Variants in CTNND2 observed in about 807,000 individuals in gnomAD.
CTNND2 encodes catenin delta 2.
A neutral mutation model predicts 144.4 loss-of-function variants in CTNND2; 22 were observed. That is an observed-to-expected ratio of 0.15 (90% CI 0.11 to 0.22). The LOEUF (loss-of-function observed/expected upper bound fraction) is 0.22, where lower values mean the gene tolerates loss of function less well. Ranked by LOEUF, CTNND2 falls within the 10% of genes least tolerant of loss-of-function variation. CTNND2 has a pLI of 1.00. For synonymous variants in CTNND2, 751 were observed against 695.6 expected, an observed-to-expected ratio of 1.08 and a Z score of -1.25; for missense variants, 1,353 against 1,618.8, an observed-to-expected ratio of 0.84 and a Z score of 2.82.
At chr5:11,331,355 C>G (rs533475189) in intron 9 of CTNND2, among the ~76,000 whole-genome samples, 2 of 152,246 alleles carry the variant, frequency 1.3e-5, no homozygotes, top group African/African-American at 4.8e-5. Context: ...AAATTAACCC[C>G]TGTAGAAGTC....
At chr5:11,321,165 T>A (rs1028154342) in intron 9 of CTNND2, among the ~76,000 whole-genome samples, 3 of 152,196 alleles carry the variant, frequency 2.0e-5, no homozygotes, top group African/African-American at 7.2e-5. Context: ...ATTAAAACAG[T>A]TTAAGTGATC....
At chr5:11,330,869 T>A (rs1219279159) in intron 9 of CTNND2, among the ~76,000 whole-genome samples, 2 of 152,084 alleles carry the variant, frequency 1.3e-5, no homozygotes, top group African/African-American at 4.8e-5. Context: ...AGCCTAAGTG[T>A]ATGGACACTG....
At chr5:11,406,867 A>T (rs1581128934) in intron 5 of CTNND2, among the ~76,000 whole-genome samples, 1 of 152,162 alleles carries the variant, frequency 6.6e-6, no homozygotes, top group African/African-American at 2.4e-5. Context: ...TTAGCTCTGA[A>T]GATTTTCTTC....
At chr5:11,063,174 T>C (rs1050560576) in intron 16 of CTNND2, among the ~76,000 whole-genome samples, 8 of 152,112 alleles carry the variant, frequency 5.3e-5, no homozygotes, top group African/African-American at 1.7e-4. Flanking sequence ...TTACCTTATA[T>C]ATATGAGTAA....
intron 11 of CTNND2, among the ~76,000 whole-genome samples, chr5:11,179,228 G>C (rs1176218591): frequency 6.6e-6 from 1 of 152,064 alleles, no homozygotes. Context: ...AGGAGATGGA[G>C]GTTGCGGTGA....
chr5:11,266,861 A>C (rs1745489483), intron 9 of CTNND2, among the ~76,000 whole-genome samples: 1 of 152,158 alleles, frequency 6.6e-6, no homozygotes, highest in Non-Finnish European at 1.5e-5. Flanking sequence ...ACTGCCACAA[A>C]TGCAAAGAGA....
chr5:11,352,175 A>ATTG (rs1363897628), intron 8 of CTNND2, among the ~76,000 whole-genome samples: 1 of 152,208 alleles, frequency 6.6e-6, no homozygotes, highest in African/African-American at 2.4e-5. Flanking sequence ...TCTTAGTAGT[A>ATTG]ATGGAATAAT....
intron 1 of CTNND2, among the ~76,000 whole-genome samples, chr5:11,781,142 T>C (rs1323068052): frequency 6.6e-6 from 1 of 152,056 alleles, no homozygotes; most frequent in Non-Finnish European, 1.5e-5. Flanking sequence ...TTGCTGCCAG[T>C]CACTAGGGGT....
chr5:11,081,978 G>A (rs998263299), intron 16 of CTNND2, among the ~76,000 whole-genome samples: 7 of 152,192 alleles, frequency 4.6e-5, no homozygotes, highest in Non-Finnish European at 1.0e-4. Flanking sequence ...TCAATTTTAT[G>A]TTATGTGGAT....
intron 11 of CTNND2, among the ~76,000 whole-genome samples, chr5:11,163,798 C>G (rs1580460739): frequency 6.6e-6 from 1 of 152,142 alleles, no homozygotes; most frequent in Non-Finnish European, 1.5e-5. Context: ...TTTTAAGTGA[C>G]AAGTATTTAA....
chr5:11,139,577 T>C (rs907011127), intron 12 of CTNND2, among the ~76,000 whole-genome samples: 1 of 152,218 alleles, frequency 6.6e-6, no homozygotes, highest in African/African-American at 2.4e-5. Flanking sequence ...ATTTTCTCTC[T>C]GTTTGCTGCT....
intron 10 of CTNND2, among the ~76,000 whole-genome samples, chr5:11,202,805 T>C (rs185147008): frequency 6.6e-6 from 1 of 152,038 alleles, no homozygotes; most frequent in African/African-American, 2.4e-5. Context: ...TTTTTCTTTT[T>C]CTTTTTCTTT....
intron 5 of CTNND2, 107 bp downstream of exon 5, chr5:11,411,429 C>A: frequency 3.0e-6 from 2 of 669,040 alleles, no homozygotes; most frequent in Non-Finnish European, 5.3e-6. Flanking sequence ...ATAAAAATAT[C>A]CTGAAATCCT....
chr5:11,504,391 C>T (rs142791167), intron 3 of CTNND2, among the ~76,000 whole-genome samples: 1 of 152,220 alleles, frequency 6.6e-6, no homozygotes, highest in East Asian at 1.9e-4. Context: ...GTTAAGAGCC[C>T]AGTCTTTAAA....
chr5:11,573,916 T>A (rs1422142599), intron 2 of CTNND2, among the ~76,000 whole-genome samples: 2 of 152,208 alleles, frequency 1.3e-5, no homozygotes, highest in Non-Finnish European at 2.9e-5. Context: ...ATACAGTTTA[T>A]TTAATTCACT....
At chr5:11,144,491 G>C (rs540306986) in intron 12 of CTNND2, among the ~76,000 whole-genome samples, 1 of 152,228 alleles carries the variant, frequency 6.6e-6, no homozygotes, top group South Asian at 2.1e-4. Context: ...TTCCTCTGAG[G>C]ATCTGTCACA....
chr5:11,355,034 T>C (rs1755716170), intron 8 of CTNND2, among the ~76,000 whole-genome samples: 1 of 152,144 alleles, frequency 6.6e-6, no homozygotes, highest in Admixed American at 6.5e-5. Flanking sequence ...ATTAAAAATT[T>C]CCTTGTGACA....
At position 11,384,985 on chromosome 5, in the gene CTNND2, G is replaced by A. The variant is rs759174608; in HGVS notation, c.857C>T (p.Ala286Val). 12 of 1,521,332 alleles carry A rather than the reference G, an allele frequency of 7.9e-6. No homozygotes were observed. The South Asian group carries it at 1.3e-4, about 17-fold the overall frequency. The allele number at this position is 1,521,332 out of a possible 1,614,324, so 94.2% of individuals were successfully genotyped here. A position where few individuals can be genotyped will look rare whatever the true frequency, so the allele number is the denominator to read the frequency against. The change falls in exon 7 of 22, where the codon GCC becomes GTC. Residue 286 changes from alanine to valine, a missense_variant. Ala to Val is a moderately conservative substitution (Grantham distance 64). Transcript: ENST00000304623. The surrounding 1 kb of genome is among the most constrained non-coding windows in gnomAD (Gnocchi z 5.2). Reference protein sequence around the residue: ...SPTKLQRGGSAPEGATYAAPR... With the variant: ...SPTKLQRGGSVPEGATYAAPR... Reference sequence around the variant, plus strand: ...CGCGGCGTAGGTGGCGCCCTCGGGGGCCGAGCCGCCGCGCTGCAGCTTGGT... The same window carrying A: ...CGCGGCGTAGGTGGCGCCCTCGGGGACCGAGCCGCCGCGCTGCAGCTTGGT...
At chr5:11,615,082 A>G (rs1475318175) in intron 2 of CTNND2, among the ~76,000 whole-genome samples, 4 of 152,226 alleles carry the variant, frequency 2.6e-5, no homozygotes, top group Non-Finnish European at 5.9e-5. Flanking sequence ...GATCATTTCT[A>G]TATCTTACAG....
Sources: allele counts gnomAD v4.1 joint callset (sites outside exome capture counted in the v4.1 genomes callset), GRCh38; gene constraint gnomAD v4.1.1; non-coding constraint Gnocchi (gnomAD v3.1); transcripts MANE v1.5; gene names NCBI Gene and HGNC (gene_info 2026-07-23, HGNC 2026-07-21).